Variants in EZR observed in about 807,000 individuals in gnomAD.
EZR encodes ezrin.
In EZR, 40 loss-of-function variants were observed where a neutral mutation model predicts 74.8. The observed-to-expected ratio is 0.53, with a 90% CI of 0.42 to 0.70. The LOEUF (loss-of-function observed/expected upper bound fraction) is 0.70. Among genes scored for constraint, EZR ranks in the 30% least tolerant of loss-of-function variants. The pLI, the probability that EZR is intolerant of heterozygous loss-of-function variation, is 0.00. For synonymous variants in EZR, 341 were observed against 283.3 expected (o/e 1.20, Z -2.05); for missense variants, 678 against 755.8 (o/e 0.90, Z 1.21).
chr6:158,782,244 C>CT (rs1185693990), intron 7 of EZR, among the ~76,000 whole-genome samples: 1 of 152,208 alleles, frequency 6.6e-6, no homozygotes, highest in East Asian at 1.9e-4. Context: ...GCACAGGTCC[C>CT]TGACTTGCCC....
At chr6:158,768,317 C>G (rs957819685) in intron 12 of EZR, among the ~76,000 whole-genome samples, 4 of 152,266 alleles carry the variant, frequency 2.6e-5, no homozygotes, top group African/African-American at 9.6e-5. Flanking sequence ...AGGCCTCCCC[C>G]AGCCATGTGG....
chr6:158,818,197 CG>C, intron 1 of EZR, 31 bp from the exon 2 acceptor site: 3 of 1,288,642 alleles, frequency 2.3e-6, no homozygotes, highest in Non-Finnish European at 3.2e-6. Context: ...TTAGAGCGCC[CG>C]CCCGCCCTGC....
rs777411294 is a variant in EZR at position 158,767,480 on chromosome 6, G to A, written c.1377C>T (p.Thr459=). The A allele has an allele frequency of 4.4e-6, 7 of 1,603,880 alleles. No homozygotes were observed. Among genetic ancestry groups the A allele is most frequent in the Non-Finnish European group, 5.1e-6 (6 of 1,173,664 alleles). The change falls in exon 13 of 14, where the codon ACC becomes ACT. Residue 459 remains threonine, a synonymous_variant. Transcript: ENST00000367075. ...AKEAQDDLVK[T]KEELHLVMTA... ...TCATCACCAGGTGCAGCTCCTCCTT[G>A]GTCTTCACCAGGTCATCCTGGGCTT...
intron 2 of EZR, among the ~76,000 whole-genome samples, chr6:158,817,217 ACT>A (rs2128578404): frequency 6.6e-6 from 1 of 152,308 alleles, no homozygotes; most frequent in African/African-American, 2.4e-5. Flanking sequence ...GTGATTCAAA[ACT>A]CAAAAAATGT....
At chr6:158,775,136 G>A (rs1156297973) in intron 8 of EZR, among the ~76,000 whole-genome samples, 7 of 150,136 alleles carry the variant, frequency 4.7e-5, no homozygotes, top group Non-Finnish European at 1.0e-4. Flanking sequence ...GGGTTCAAGC[G>A]ATTCTCCTGC....
chr6:158,767,642 C>T (rs973789322), intron 12 of EZR, 130 bp from the exon 13 acceptor site: 20 of 920,830 alleles, frequency 2.2e-5, no homozygotes, highest in Admixed American at 3.1e-5. Flanking sequence ...GCTGTGGCTT[C>T]GAAGAGGAGC....
At position 158,767,430 on chromosome 6, in the gene EZR, G is replaced by A; in HGVS notation, c.1427C>T (p.Pro476Leu). Residue 476 changes from proline to leucine, a missense_variant, in exon 13 of 14, where the codon CCC becomes CTC. This residue lies in a region of EZR where 342 missense variants were observed against 341.2 expected (regional missense o/e 1.00). Coordinates refer to ENST00000367075, the MANE Select transcript of EZR (RefSeq NM_001111077.2). ...VMTAPPPPPPPVYEPVSYHVQ... is the reference protein window; with the variant it reads ...VMTAPPPPPPLVYEPVSYHVQ... The stretch of plus-strand genomic sequence containing the variant: ...ATGGTAGCTCACCGGCTCGTACACG[G>A]GGGGTGGTGGGGGCGGGGGTGCTGT... 6.2e-7 allele frequency: 1 copy of A among 1,613,644 alleles called. No individual in the cohort carries two copies. The highest frequency in any genetic ancestry group is 8.5e-7 in the Non-Finnish European group (1 of 1,179,714).
intron 7 of EZR, 98 bp from the exon 8 acceptor site, chr6:158,776,602 A>C (rs1184413803): frequency 1.2e-6 from 1 of 828,784 alleles, no homozygotes; most frequent in African/African-American, 1.7e-5. Flanking sequence ...GTTCAATTAA[A>C]ATAATATGAA....
rs1422608785 is a variant in EZR, at chr6:158,811,887, A to T, written c.12+6195T>A. Among the ~76,000 whole-genome samples the T allele has an allele frequency of 2.0e-5, 3 of 150,890 alleles. No individual in the cohort carries two copies. The East Asian group carries it at 5.8e-4, about 29-fold the overall frequency. On this transcript the variant is annotated intron_variant, in intron 2 of 13. Transcript: ENST00000367075. ...GAGACCCTGTTTCCAAAAAAAAAAA[A>T]TTCACATTATTTCATTAACAAAAGA...
intron 2 of EZR, among the ~76,000 whole-genome samples, chr6:158,809,833 ATTG>A (rs1262867372): frequency 4.6e-5 from 7 of 152,206 alleles, no homozygotes; most frequent in Middle Eastern, 3.2e-3. Context: ...TCCGTTGCAT[ATTG>A]TTGTTTTTAA....
At chr6:158,768,835 T>G (rs889822024) in intron 12 of EZR, among the ~76,000 whole-genome samples, 3 of 152,108 alleles carry the variant, frequency 2.0e-5, no homozygotes, top group African/African-American at 7.2e-5. Flanking sequence ...AGCCCCCAAA[T>G]AGCTGATGAG....
rs150994217 is a variant in EZR, at chr6:158,787,209, T to TGA, written c.97-8_97-7dup. 158 of 1,606,664 alleles carry TGA rather than the reference T, an allele frequency of 9.8e-5. No individual in the cohort carries two copies. In the East Asian group the frequency reaches 1.3e-3, roughly 13 times the overall value. On this transcript the variant is annotated splice_polypyrimidine_tract_variant and splice_region_variant and intron_variant, in intron 3 of 13. Transcript: ENST00000367075. ...AGGCCGATAGTCTTTACCACCTGCG[T>TGA]GAGAGAGAGAGAGGCTCAACACTCA...
intron 7 of EZR, among the ~76,000 whole-genome samples, chr6:158,779,350 CTG>C (rs1255161454): frequency 1.3e-5 from 2 of 152,098 alleles, no homozygotes; most frequent in East Asian, 1.9e-4. Flanking sequence ...TGACAACTAA[CTG>C]TGTGGCTCCA....
intron 2 of EZR, among the ~76,000 whole-genome samples, chr6:158,802,032 T>G (rs941910000): frequency 6.6e-6 from 1 of 152,348 alleles, no homozygotes; most frequent in Non-Finnish European, 1.5e-5. Flanking sequence ...AATGACTTAG[T>G]TGCCTGTAGG....
At position 158,767,332 on chromosome 6, in the gene EZR, G is replaced by A. The variant is rs747387588; in HGVS notation, c.1525C>T (p.Arg509Trp). The A allele has an allele frequency of 3.2e-5, 52 of 1,614,160 alleles. No homozygotes were observed. Among genetic ancestry groups the A allele is most frequent in the Admixed American group, 5.0e-5 (3 of 60,026 alleles). Residue 509 changes from arginine to tryptophan, a missense_variant, in exon 13 of 14, where the codon CGG becomes TGG. Arg to Trp is a moderately radical substitution (Grantham distance 101, BLOSUM62 -3). Transcript: ENST00000367075. ...YSAELSSEGIRDDRNEEKRIT... is the reference protein window; with the variant it reads ...YSAELSSEGIWDDRNEEKRIT... ...CGCTTCTCCTCATTGCGGTCATCCC[G>A]GATGCCCTCACTAGACAGCTCCGCG...
chr6:158,789,478 C>G (rs1300686283), intron 2 of EZR, 107 bp from the exon 3 acceptor site: 2 of 972,828 alleles, frequency 2.1e-6, no homozygotes, highest in South Asian at 2.6e-5. Context: ...ACGGCATATG[C>G]CTGACATCAG....
At chr6:158,767,536 G>A in intron 12 of EZR, 24 bp from the exon 13 acceptor site, 2 of 1,551,562 alleles carry the variant, frequency 1.3e-6, no homozygotes, top group Non-Finnish European at 1.7e-6. Flanking sequence ...ATTAATAAGA[G>A]GACTTCTCAC....
chr6:158,787,659 C>G (rs1344749370), intron 3 of EZR, among the ~76,000 whole-genome samples: 1 of 152,230 alleles, frequency 6.6e-6, no homozygotes, highest in Non-Finnish European at 1.5e-5. Flanking sequence ...CTCTGGCTGC[C>G]TGCCTCTGCC....
chr6:158,807,485 G>T (rs1432612543), intron 2 of EZR, among the ~76,000 whole-genome samples: 1 of 152,182 alleles, frequency 6.6e-6, no homozygotes, highest in East Asian at 1.9e-4. Flanking sequence ...GTTTGGAAAT[G>T]ATGGACTTAT....
Sources: gnomAD v4.1 joint callset for allele counts (sites outside exome capture counted in the v4.1 genomes callset) on GRCh38, gnomAD v4.1.1 for gene constraint, gnomAD v4.1.1 regional missense constraint, MANE v1.5 for transcripts, NCBI Gene and HGNC (gene_info 2026-07-23, HGNC 2026-07-21) for gene names.